Variants in SWAP70 observed in about 807,000 individuals in gnomAD.
SWAP70 encodes the protein switch-associated protein 70.
In SWAP70, 34 loss-of-function variants were observed where a neutral mutation model predicts 80.2. The ratio of observed to expected loss-of-function variants is 0.42; its 90% CI spans 0.32 to 0.56. The LOEUF is 0.56. Among genes scored for constraint, SWAP70 ranks in the 20% least tolerant of loss-of-function variants. The pLI is 0.09. For missense variants in SWAP70, 578 were observed against 690.7 expected, an observed-to-expected ratio of 0.84 and a Z score of 1.83; for synonymous variants, 239 against 238.5, an observed-to-expected ratio of 1.00 and a Z score of -0.02.
At chr11:9,732,467 G>T (rs1851310207) in intron 6 of SWAP70, 62 bp from the exon 7 acceptor site, 1 of 1,494,716 alleles carries the variant, frequency 6.7e-7, no homozygotes, top group East Asian at 2.4e-5. Flanking sequence ...CATTTGCATA[G>T]TAGGCTTACA....
intron 8 of SWAP70, 90 bp from the exon 9 acceptor site, chr11:9,740,091 G>A: frequency 2.5e-6 from 3 of 1,216,326 alleles, no homozygotes; most frequent in Non-Finnish European, 3.5e-6. Context: ...GGCTGAGGCT[G>A]CAGCTGTGGG....
At chr11:9,671,431 TAA>T (rs1850383549) in intron 1 of SWAP70, among the ~76,000 whole-genome samples, 2 of 97,932 alleles carry the variant, frequency 2.0e-5, no homozygotes, top group Admixed American at 1.5e-4. Flanking sequence ...AATATATATA[TAA>T]ATATATAAAA....
intron 1 of SWAP70, among the ~76,000 whole-genome samples, chr11:9,680,413 G>A (rs1850552895): frequency 6.6e-6 from 1 of 151,998 alleles, no homozygotes. Context: ...AACATATCTC[G>A]TTATTTATTT....
Position 9,677,138 on chromosome 11 carries a change from T to C in SWAP70, c.99+12860T>C, listed in dbSNP as rs1320265186. 2.6e-5 allele frequency among the ~76,000 whole-genome samples: 4 copies of C among 152,016 alleles called. No homozygotes were observed. The South Asian group carries it at 8.3e-4, about 31-fold the overall frequency. ...ATTAATGTGGCACCTGAAACAGACA[T>C]TGTTACTTTTAAATTATGGTATAAA... On this transcript the variant is annotated intron_variant, in intron 1 of 11. Transcript: ENST00000318950.
rs771767428 is a variant in SWAP70 at position 9,694,243 on chromosome 11, A to G, written c.197A>G (p.Asn66Ser). Residue 66 changes from asparagine (N) to serine (S), a missense_variant, in exon 2 of 12, where the codon AAC becomes AGC. Asn to Ser is a conservative substitution (Grantham distance 46). Coordinates refer to ENST00000318950, the MANE Select transcript of SWAP70 (RefSeq NM_015055.4). ...GATGATGATGAGGGTCCAGTGTCCAACCAGGGCTACATGCCTTATTTAAAC... is the reference window on the plus strand; with the variant it reads ...GATGATGATGAGGGTCCAGTGTCCAGCCAGGGCTACATGCCTTATTTAAAC... ...FRDDDEGPVS[N>S]QGYMPYLNRF... The G allele has an allele frequency of 7.4e-6, 12 of 1,613,270 alleles. No individual in the cohort carries two copies. Among genetic ancestry groups the G allele is most frequent in the Non-Finnish European group, 1.0e-5 (12 of 1,179,590 alleles).
chr11:9,695,027 A>G (rs1438162059), intron 2 of SWAP70, among the ~76,000 whole-genome samples: 1 of 152,172 alleles, frequency 6.6e-6, no homozygotes, highest in Non-Finnish European at 1.5e-5. Flanking sequence ...GGTGGCTCAC[A>G]TCTGTAATCC....
intron 1 of SWAP70, among the ~76,000 whole-genome samples, chr11:9,691,630 A>G (rs915166828): frequency 6.6e-6 from 1 of 152,252 alleles, no homozygotes; most frequent in Non-Finnish European, 1.5e-5. Flanking sequence ...AACTGAAGAC[A>G]TAATGTTTCT....
chr11:9,671,569 T>C (rs1850393584), intron 1 of SWAP70, among the ~76,000 whole-genome samples: 1 of 63,284 alleles, frequency 1.6e-5, no homozygotes, highest in Non-Finnish European at 3.0e-5. Flanking sequence ...TAAATATATT[T>C]ATATAGAAAT....
chr11:9,744,679 G>A (rs867002413), intron 9 of SWAP70, among the ~76,000 whole-genome samples: 9 of 152,014 alleles, frequency 5.9e-5, no homozygotes, highest in Admixed American at 2.0e-4. Context: ...AGGCTGAGGC[G>A]GGCGGATCCC....
At chr11:9,681,002 G>T in intron 1 of SWAP70, 1 of 159,088 alleles carries the variant, frequency 6.3e-6, no homozygotes. Context: ...GGCTGGCTAG[G>T]TGGTTGTCCC....
In SWAP70 at chr11:9,751,371, C is replaced by A. The variant is rs958551584; in HGVS notation, c.*1401C>A. On this transcript the variant is annotated 3_prime_UTR_variant, in exon 12 of 12. Coordinates refer to ENST00000318950, the MANE Select transcript of SWAP70 (RefSeq NM_015055.4). ...ATTGAGGAAGGTTTTCATATATGAT[C>A]TATCTTTGGATTAAAAAGAACATTT... The A allele has an allele frequency of 2.6e-5, 4 of 152,200 alleles. No homozygotes were observed. Among genetic ancestry groups the A allele is most frequent in the African/African-American group, 9.7e-5 (4 of 41,446 alleles). The allele number at this position is 152,200 out of a possible 1,614,324, so 9.4% of individuals were successfully genotyped here. A position where few individuals can be genotyped will look rare whatever the true frequency, so the allele number is the denominator to read the frequency against.
intron 1 of SWAP70, among the ~76,000 whole-genome samples, chr11:9,689,124 C>T (rs930500286): frequency 2.0e-5 from 3 of 152,088 alleles, no homozygotes; most frequent in Admixed American, 6.6e-5. Flanking sequence ...TTGCCCATTA[C>T]GCACATCCTG....
rs1850617993 is a variant in SWAP70, at chr11:9,685,316, G to A, written c.100-8830G>A. Among the ~76,000 whole-genome samples the A allele has an allele frequency of 2.0e-5, 3 of 152,128 alleles. No individual in the cohort carries two copies. In the South Asian group the frequency reaches 6.2e-4, roughly 32 times the overall value. ...CTTTTCATTTTCTAATTTTACTGGT[G>A]CTTTCTAGCAGGAGCCTTGTTTCAC... On this transcript the variant is annotated intron_variant, in intron 1 of 11. Transcript: ENST00000318950.
In SWAP70 at chr11:9,674,815, A is replaced by G. The variant is rs796159038; in HGVS notation, c.99+10537A>G. ...CCTTCTCTACCAAAAATACAAAAAA[A>G]GAAATTAGCTGGGCGTGGTGGCGGG... On this transcript the variant is annotated intron_variant, in intron 1 of 11. Coordinates refer to ENST00000318950, the MANE Select transcript of SWAP70 (RefSeq NM_015055.4). Among the ~76,000 whole-genome samples the G allele has an allele frequency of 5.3e-5, 8 of 151,974 alleles. 1 individual carries two copies. The highest frequency in any genetic ancestry group is 1.9e-4 in the African/African-American group (8 of 41,458).
At chr11:9,700,484 A>G (rs1201323443) in intron 2 of SWAP70, among the ~76,000 whole-genome samples, 1 of 152,236 alleles carries the variant, frequency 6.6e-6, no homozygotes, top group African/African-American at 2.4e-5. Context: ...AGAAAATATG[A>G]AATAGTTATT....
In SWAP70 at chr11:9,749,948, AAG is replaced by A; in HGVS notation, c.1740_1741del (p.Lys582AspfsTer42). ...CTTGAAGAGAGAGAGAAGAACTGGA[AAG>A]AGAAAAAGACCACGGAGTGACTGAG... On this transcript the variant is annotated frameshift_variant, in exon 12 of 12. Coordinates refer to ENST00000318950, the MANE Select transcript of SWAP70 (RefSeq NM_015055.4). LOFTEE classifies it high-confidence loss of function. 1 of 1,613,652 alleles carries A rather than the reference AAG, an allele frequency of 6.2e-7. No individual in the cohort carries two copies. The highest frequency in any genetic ancestry group is 8.5e-7 in the Non-Finnish European group (1 of 1,179,624).
At chr11:9,743,395 A>T (rs1484271793) in intron 9 of SWAP70, among the ~76,000 whole-genome samples, 1 of 152,036 alleles carries the variant, frequency 6.6e-6, no homozygotes, top group East Asian at 1.9e-4. Context: ...CATGATTTAT[A>T]ATCCTTTGGG....
intron 1 of SWAP70, among the ~76,000 whole-genome samples, chr11:9,672,193 G>GTATATGTATATATA (rs1427255406): frequency 5.3e-5 from 1 of 18,896 alleles, no homozygotes; most frequent in Non-Finnish European, 1.2e-4. Flanking sequence ...ATATGTGTGT[G>GTATATGTATATATA]TCTATATATA....
chr11:9,686,597 C>T (rs1850636136), intron 1 of SWAP70, among the ~76,000 whole-genome samples: 1 of 151,890 alleles, frequency 6.6e-6, no homozygotes, highest in Non-Finnish European at 1.5e-5. Context: ...GATCCTCCTC[C>T]CTTGGCCTCC....
Sources: allele counts gnomAD v4.1 joint callset (sites outside exome capture counted in the v4.1 genomes callset), GRCh38; gene constraint gnomAD v4.1.1; transcripts MANE v1.5; gene names NCBI Gene and HGNC (gene_info 2026-07-23, HGNC 2026-07-21).